Variants in KCNH6 observed in about 807,000 individuals in gnomAD.
The protein encoded by KCNH6 is potassium voltage-gated channel subfamily H member 6.
A neutral mutation model predicts 83.4 loss-of-function variants in KCNH6; 81 were observed. That is an observed-to-expected ratio of 0.97 (90% CI 0.81 to 1.17). The LOEUF is 1.17. Among genes scored for constraint, KCNH6 ranks in the 50% most tolerant of loss-of-function variants. KCNH6 has a pLI of 0.00. For missense variants in KCNH6, 1,203 were observed against 1,290.5 expected, an observed-to-expected ratio of 0.93 and a Z score of 1.04; for synonymous variants, 503 against 545.6, an observed-to-expected ratio of 0.92 and a Z score of 1.09.
Position 63,530,245 on chromosome 17 carries a change from G to A in KCNH6, c.462G>A (p.Leu154=). The change falls in exon 3 of 13, where the codon CTG becomes CTA. Residue 154 remains leucine (L), a synonymous_variant. Coordinates refer to ENST00000314672, the MANE Select transcript of KCNH6 (RefSeq NM_001278919.2). The stretch of plus-strand genomic sequence containing the variant: ...AGCGCCTGTTGTCCCAGAGCTTCCT[G>A]GGCTCCGGTGAGGCAGAGTGAGGGT... ...LSQRLLSQSF[L]GSEGSHGRPG... 2.5e-6 allele frequency: 4 copies of A among 1,614,066 alleles called. No individual in the cohort carries two copies. The highest frequency in any genetic ancestry group is 3.4e-6 in the Non-Finnish European group (4 of 1,179,916).
rs2032638635 is a variant in KCNH6, at chr17:63,538,269, G to GC, written c.1701+9dup. ...AATGGCATTGACATGAACGCGGTGA[G>GC]CCCCGCCGCTCCGGCTAATGCCCCG... On this transcript the variant is annotated splice_donor_region_variant and intron_variant, in intron 7 of 12. Coordinates refer to ENST00000314672, the MANE Select transcript of KCNH6 (RefSeq NM_001278919.2). This position sits in a 1 kb window ranked among gnomAD's most constrained non-coding sequence, Gnocchi z 4.0. The GC allele has an allele frequency of 6.2e-7, 1 of 1,611,090 alleles. No homozygotes were observed. Among genetic ancestry groups the GC allele is most frequent in the South Asian group, 1.1e-5 (1 of 91,022 alleles).
At position 63,534,241 on chromosome 17, in the gene KCNH6, G is replaced by A; in HGVS notation, c.1031G>A (p.Gly344Asp). The A allele has an allele frequency of 1.2e-6, 2 of 1,614,102 alleles. No individual in the cohort carries two copies. Among genetic ancestry groups the A allele is most frequent in the Non-Finnish European group, 1.7e-6 (2 of 1,180,006 alleles). ...CGCATCGCCGTCCACTACTTCAAGG[G>A]CTGGTTCCTCATTGACATGGTGGCC... ...PRRIAVHYFKGWFLIDMVAAI... is the reference protein window; with the variant it reads ...PRRIAVHYFKDWFLIDMVAAI... Residue 344 changes from glycine to aspartate, a missense_variant, in exon 5 of 13, where the codon GGC becomes GAC. Physicochemically the swap from Gly to Asp is moderately conservative, Grantham distance 94. Transcript: ENST00000314672. This position sits in a 1 kb window ranked among gnomAD's most constrained non-coding sequence, Gnocchi z 5.0.
At chr17:63,536,241 C>A in intron 6 of KCNH6, 173 bp downstream of exon 6, 1 of 625,456 alleles carries the variant, frequency 1.6e-6, no homozygotes, top group Non-Finnish European at 2.8e-6. Context: ...CAAGTGTATA[C>A]AATATTTAAC....
intron 8 of KCNH6, among the ~76,000 whole-genome samples, chr17:63,539,760 G>A (rs1295622310): frequency 4.6e-5 from 7 of 152,112 alleles, no homozygotes; most frequent in Admixed American, 4.6e-4. Flanking sequence ...GTCCTTCCTG[G>A]AAAGGTGTTG....
intron 9 of KCNH6, 89 bp downstream of exon 9, chr17:63,542,523 T>A (rs2032926456): frequency 8.8e-7 from 1 of 1,131,574 alleles, no homozygotes; most frequent in African/African-American, 1.5e-5. Flanking sequence ...ACACCCTTCC[T>A]TTCAACCCCA....
intron 10 of KCNH6, 33 bp from the exon 11 acceptor site, chr17:63,544,216 G>C (rs1431696136): frequency 9.4e-6 from 15 of 1,591,222 alleles, no homozygotes; most frequent in Non-Finnish European, 1.3e-5. Flanking sequence ...GAACCAGCTA[G>C]GCCCAGCTGA....
rs775424126 is a variant in KCNH6, at chr17:63,535,943, T to C, written c.1376T>C (p.Val459Ala). 5 of 1,613,988 alleles carry C rather than the reference T, an allele frequency of 3.1e-6. No individual in the cohort carries two copies. The Admixed American group carries it at 6.7e-5, about 22-fold the overall frequency. ...NGSDPASGPS[V>A]QDKYVTALYF... ...AGCGACCCAGCCTCGGGCCCCTCGG[T>C]GCAGGACAAGTATGTCACAGCCCTC... Residue 459 changes from valine to alanine, a missense_variant, in exon 6 of 13, where the codon GTG becomes GCG. Val to Ala is a moderately conservative substitution (Grantham distance 64). Coordinates refer to ENST00000314672, the MANE Select transcript of KCNH6 (RefSeq NM_001278919.2). This position sits in a 1 kb window ranked among gnomAD's most constrained non-coding sequence, Gnocchi z 4.9.
rs578033703 is a variant in KCNH6, at chr17:63,544,083, T to G, written c.2234-166T>G. 9.3e-6 allele frequency: 15 copies of G among 1,609,202 alleles called. No homozygotes were observed. Among genetic ancestry groups the G allele is most frequent in the Non-Finnish European group, 1.3e-5 (15 of 1,178,320 alleles). On this transcript the variant is annotated intron_variant, in intron 10 of 12. Coordinates refer to ENST00000314672, the MANE Select transcript of KCNH6 (RefSeq NM_001278919.2). ...CCTCCTGGGTCCTGGGAGCCAGAACTCCATGGGGGCAGGACCTTGTGCTCC... is the reference window on the plus strand; with the variant it reads ...CCTCCTGGGTCCTGGGAGCCAGAACGCCATGGGGGCAGGACCTTGTGCTCC...
intron 8 of KCNH6, among the ~76,000 whole-genome samples, chr17:63,542,038 C>G (rs2032891399): frequency 6.6e-6 from 1 of 152,154 alleles, no homozygotes; most frequent in African/African-American, 2.4e-5. Flanking sequence ...CTGTGCCGCT[C>G]AAAGGACACA....
chr17:63,543,219 A>G (rs2032965292), intron 9 of KCNH6, among the ~76,000 whole-genome samples: 1 of 152,062 alleles, frequency 6.6e-6, no homozygotes, highest in African/African-American at 2.4e-5. Context: ...CTGAGCATAG[A>G]GCTGGGTGGG....
intron 8 of KCNH6, among the ~76,000 whole-genome samples, chr17:63,541,985 C>T (rs1291898187): frequency 1.3e-5 from 2 of 152,140 alleles, no homozygotes; most frequent in Non-Finnish European, 2.9e-5. Flanking sequence ...GAGGGTGGTT[C>T]TGAAGGGCCT....
Position 63,533,588 on chromosome 17 carries a change from T to C in KCNH6, c.676-298T>C, listed in dbSNP as rs2032263434. On this transcript the variant is annotated intron_variant, in intron 4 of 12. Transcript: ENST00000314672. This position sits in a 1 kb window ranked among gnomAD's most constrained non-coding sequence, Gnocchi z 4.1. ...CCCTCCCCTGCCTGGCTCCACCCACTCCAGGATGTTTCCAAGGGAGCTTGT... is the reference window on the plus strand; with the variant it reads ...CCCTCCCCTGCCTGGCTCCACCCACCCCAGGATGTTTCCAAGGGAGCTTGT... 6.6e-6 allele frequency among the ~76,000 whole-genome samples: 1 copy of C among 152,034 alleles called. No homozygotes were observed. Among genetic ancestry groups the C allele is most frequent in the African/African-American group, 2.4e-5 (1 of 41,384 alleles).
chr17:63,535,621 C>G lies in KCNH6; in HGVS notation c.1102-48C>G. On this transcript the variant is annotated intron_variant, in intron 5 of 12. Coordinates refer to ENST00000314672, the MANE Select transcript of KCNH6 (RefSeq NM_001278919.2). This position sits in a 1 kb window ranked among gnomAD's most constrained non-coding sequence, Gnocchi z 4.9. ...GAACAAAAGCAGGCCTGACTGCACC[C>G]TTCCAAGGGCTGACCCCAGCCCTGT... 1 of 1,539,028 alleles carries G rather than the reference C, an allele frequency of 6.5e-7. No homozygotes were observed. The highest frequency in any genetic ancestry group is 8.8e-7 in the Non-Finnish European group (1 of 1,137,928).
Position 63,535,166 on chromosome 17 carries a change from ACAGG to A in KCNH6, c.1102-499_1102-496del, listed in dbSNP as rs1320547216. ...AAGTTCATGATGGACCCTGAAGCCCACAGGCAGCAGCCCCTGCCCGCCCTGCCCT... is the reference window on the plus strand; with the variant it reads ...AAGTTCATGATGGACCCTGAAGCCCACAGCAGCCCCTGCCCGCCCTGCCCT... On this transcript the variant is annotated intron_variant, in intron 5 of 12. Transcript: ENST00000314672. This position sits in a 1 kb window ranked among gnomAD's most constrained non-coding sequence, Gnocchi z 4.9. 6.6e-6 allele frequency among the ~76,000 whole-genome samples: 1 copy of A among 152,216 alleles called. No homozygotes were observed. The highest frequency in any genetic ancestry group is 1.9e-4 in the East Asian group (1 of 5,196).
intron 2 of KCNH6, 83 bp from the exon 3 acceptor site, chr17:63,530,008 C>A: frequency 6.8e-7 from 1 of 1,465,178 alleles, no homozygotes; most frequent in Non-Finnish European, 9.3e-7. Flanking sequence ...ACTTGACCTT[C>A]ACTCAGCCCC....
chr17:63,545,946 G>A lies in KCNH6; in HGVS notation c.*44G>A. On this transcript the variant is annotated 3_prime_UTR_variant, in exon 13 of 13. Transcript: ENST00000314672. ...CATGAGGGGACTGAAGGTGGGCAAG[G>A]TGAGAGTTAAGGATCTTGGGGAGGT... 6.3e-7 allele frequency: 1 copy of A among 1,589,870 alleles called. No individual in the cohort carries two copies. Among genetic ancestry groups the A allele is most frequent in the Non-Finnish European group, 8.6e-7 (1 of 1,164,356 alleles).
chr17:63,527,549 G>A lies in KCNH6; in HGVS notation c.308-2542G>A, dbSNP rs568017645. 2.0e-5 allele frequency among the ~76,000 whole-genome samples: 3 copies of A among 152,290 alleles called. No individual in the cohort carries two copies. The East Asian group carries it at 5.8e-4, about 29-fold the overall frequency. On this transcript the variant is annotated intron_variant, in intron 2 of 12. Coordinates refer to ENST00000314672, the MANE Select transcript of KCNH6 (RefSeq NM_001278919.2). ...AAGTAAGAACCTAGCATATAAGAAG[G>A]AATGGGAATTCCCAGGGGGCAGACA...
chr17:63,537,968 C>T, intron 6 of KCNH6, 97 bp from the exon 7 acceptor site: 1 of 1,230,740 alleles, frequency 8.1e-7, no homozygotes, highest in Non-Finnish European at 1.1e-6. Flanking sequence ...AGGGGTCCTT[C>T]ACCAGGGGGC....
rs74866806 is a variant in KCNH6 at position 63,546,357 on chromosome 17, C to G, written c.*455C>G. On this transcript the variant is annotated 3_prime_UTR_variant, in exon 13 of 13. Coordinates refer to ENST00000314672, the MANE Select transcript of KCNH6 (RefSeq NM_001278919.2). ...AGGATGGCGTGGGTGAAGAAGCTCACGACTTTTCCCAGCCTCCTCCAGGGC... is the reference window on the plus strand; with the variant it reads ...AGGATGGCGTGGGTGAAGAAGCTCAGGACTTTTCCCAGCCTCCTCCAGGGC... 6.4e-6 allele frequency: 1 copy of G among 156,474 alleles called. No homozygotes were observed. Among genetic ancestry groups the G allele is most frequent in the African/African-American group, 2.4e-5 (1 of 41,438 alleles). 9.7% of individuals were successfully genotyped at this position (156,474 alleles called of 1,614,324 possible). A position where few individuals can be genotyped will look rare whatever the true frequency, so the allele number is the denominator to read the frequency against.
Sources: gnomAD v4.1 joint callset for allele counts (sites outside exome capture counted in the v4.1 genomes callset) on GRCh38, gnomAD v4.1.1 for gene constraint, Gnocchi (gnomAD v3.1) non-coding constraint, MANE v1.5 for transcripts, NCBI Gene and HGNC (gene_info 2026-07-23, HGNC 2026-07-21) for gene names.